Variants in CCDC92 observed in about 807,000 individuals in gnomAD.
The protein encoded by CCDC92 is coiled-coil domain-containing protein 92.
CCDC92 carries 12 observed loss-of-function variants against 24.9 expected under a neutral mutation model. The ratio of observed to expected loss-of-function variants is 0.48; its 90% CI spans 0.31 to 0.78. The LOEUF (loss-of-function observed/expected upper bound fraction) is 0.78, where lower values mean the gene tolerates loss of function less well. CCDC92 is among the 30% of genes least tolerant of loss of function. The pLI, the probability that CCDC92 is intolerant of heterozygous loss-of-function variation, is 0.05. For synonymous variants in CCDC92, 193 were observed against 196.3 expected (o/e 0.98, Z 0.14); for missense variants, 399 against 439.4 (o/e 0.91, Z 0.82).
intron 4 of CCDC92, among the ~76,000 whole-genome samples, chr12:123,942,489 A>T (rs1448205090): frequency 6.6e-6 from 1 of 152,206 alleles, no homozygotes; most frequent in Non-Finnish European, 1.5e-5. Context: ...AATCAGAAAA[A>T]CATATAATAG....
At chr12:123,971,343 G>A (rs1412944727) in intron 1 of CCDC92, 1 of 151,082 alleles carries the variant, frequency 6.6e-6, no homozygotes, top group Non-Finnish European at 1.5e-5. Flanking sequence ...ATCTTTGGAG[G>A]TAAAAGCCAC....
intron 1 of CCDC92, among the ~76,000 whole-genome samples, chr12:123,961,571 G>A (rs1332211015): frequency 2.6e-5 from 4 of 152,168 alleles, no homozygotes; most frequent in South Asian, 2.1e-4. Flanking sequence ...AAGTCGAGAT[G>A]GAAAAGATAA....
At chr12:123,942,441 G>C (rs2137910002) in intron 4 of CCDC92, among the ~76,000 whole-genome samples, 1 of 152,334 alleles carries the variant, frequency 6.6e-6, no homozygotes, top group Non-Finnish European at 1.5e-5. Flanking sequence ...CTATTTTTAT[G>C]TCCTGATTAC....
intron 1 of CCDC92, among the ~76,000 whole-genome samples, chr12:123,956,790 G>A (rs1956159153): frequency 6.6e-6 from 1 of 152,152 alleles, no homozygotes; most frequent in South Asian, 2.1e-4. Flanking sequence ...CATTAACCCA[G>A]TCAAAATAAA....
At chr12:123,965,573 A>G (rs1956373893) in intron 1 of CCDC92, among the ~76,000 whole-genome samples, 1 of 152,272 alleles carries the variant, frequency 6.6e-6, no homozygotes. Context: ...CCTTTGGTGA[A>G]TAACACGGTC....
chr12:123,968,080 T>A (rs1956435340), intron 1 of CCDC92: 1 of 152,270 alleles, frequency 6.6e-6, no homozygotes, highest in Non-Finnish European at 1.5e-5. Flanking sequence ...TTTCCCCTTT[T>A]TATAAGCAGC....
At chr12:123,946,406 C>G (rs1052554720) in intron 1 of CCDC92, 1 of 152,538 alleles carries the variant, frequency 6.6e-6, no homozygotes, top group Non-Finnish European at 1.5e-5. Context: ...TCTTAGGCCT[C>G]TCTCCCACCC....
intron 3 of CCDC92, 40 bp downstream of exon 3, chr12:123,943,307 T>C (rs563256572): frequency 5.4e-5 from 86 of 1,601,498 alleles, no homozygotes; most frequent in Non-Finnish European, 7.2e-5. Context: ...CCGTGCCCCA[T>C]AGCCGCCCCC....
chr12:123,955,865 G>C (rs1396377027), intron 1 of CCDC92, among the ~76,000 whole-genome samples: 1 of 152,160 alleles, frequency 6.6e-6, no homozygotes, highest in Admixed American at 6.5e-5. Flanking sequence ...CCTATAACAG[G>C]CATCAGAGAA....
intron 1 of CCDC92, among the ~76,000 whole-genome samples, chr12:123,951,105 G>A (rs1362446288): frequency 3.3e-5 from 5 of 152,054 alleles, no homozygotes; most frequent in African/African-American, 9.7e-5. Flanking sequence ...CCCTGCCCCC[G>A]CCTCATTAAC....
chr12:123,947,780 C>G (rs561762386), intron 1 of CCDC92, among the ~76,000 whole-genome samples: 1 of 152,064 alleles, frequency 6.6e-6, no homozygotes, highest in African/African-American at 2.4e-5. Context: ...GCAGGCTGCC[C>G]GAGCCAGCAG....
rs766947844 is a variant in CCDC92 at position 123,937,602 on chromosome 12, C to T, written c.452G>A (p.Arg151Gln). The change falls in exon 5 of 5, where the codon CGG (arginine) becomes CAG (glutamine). Residue 151 changes from arginine (R) to glutamine (Q), a missense_variant. Coordinates refer to ENST00000238156, the MANE Select transcript of CCDC92 (RefSeq NM_025140.3). The surrounding 1 kb of genome is among the most constrained non-coding windows in gnomAD (Gnocchi z 8.4). ...LTLLSSELEQ[R>Q]ASTIAYLTSQ... ...GGTCAGGTAGGCGATGGTGCTGGCC[C>T]GCTGCTCCAGCTCGCTAGACAGCAG... is the stretch of plus-strand genomic sequence containing the variant. The T allele has an allele frequency of 5.6e-6, 9 of 1,613,478 alleles. No homozygotes were observed. Among genetic ancestry groups the T allele is most frequent in the South Asian group, 5.5e-5 (5 of 91,070 alleles).
intron 1 of CCDC92, among the ~76,000 whole-genome samples, chr12:123,951,308 C>A (rs77545549): frequency 1.3e-5 from 2 of 152,276 alleles, no homozygotes; most frequent in East Asian, 1.9e-4. Flanking sequence ...AATATTCCAA[C>A]GTATTCCTGA....
chr12:123,959,407 C>T (rs994746033), intron 1 of CCDC92, among the ~76,000 whole-genome samples: 1 of 151,942 alleles, frequency 6.6e-6, no homozygotes, highest in African/African-American at 2.4e-5. Flanking sequence ...TGGGTTTAAG[C>T]GATTCTCCTG....
At chr12:123,942,930 G>A in intron 3 of CCDC92, 145 bp from the exon 4 acceptor site, 1 of 702,708 alleles carries the variant, frequency 1.4e-6, no homozygotes, top group Non-Finnish European at 2.5e-6. Context: ...AGGTGAGCAT[G>A]AGAGCAGCAG....
chr12:123,960,870 G>A (rs932212929), intron 1 of CCDC92: 5 of 152,170 alleles, frequency 3.3e-5, no homozygotes, highest in African/African-American at 1.2e-4. Flanking sequence ...ATCCCCAAGA[G>A]CTTAACGTCA....
chr12:123,952,727 TCAA>T (rs1204285820), intron 1 of CCDC92, among the ~76,000 whole-genome samples: 3 of 152,224 alleles, frequency 2.0e-5, no homozygotes, highest in African/African-American at 7.2e-5. Flanking sequence ...AGGTAAGTAC[TCAA>T]CAATGACTCC....
At chr12:123,954,979 G>A (rs1956117081) in intron 1 of CCDC92, among the ~76,000 whole-genome samples, 1 of 152,222 alleles carries the variant, frequency 6.6e-6, no homozygotes, top group Admixed American at 6.5e-5. Context: ...TTGCTTCTGG[G>A]GGAGGAGGTG....
At chr12:123,951,369 C>T (rs1448364588) in intron 1 of CCDC92, among the ~76,000 whole-genome samples, 1 of 152,098 alleles carries the variant, frequency 6.6e-6, no homozygotes, top group Non-Finnish European at 1.5e-5. Flanking sequence ...AGGAAAGGGT[C>T]TCACCATTTA....
Sources: allele counts gnomAD v4.1 joint callset (sites outside exome capture counted in the v4.1 genomes callset), GRCh38; gene constraint gnomAD v4.1.1; non-coding constraint Gnocchi (gnomAD v3.1); transcripts MANE v1.5; gene names NCBI Gene and HGNC (gene_info 2026-07-23, HGNC 2026-07-21).